VAC14: variants seen among roughly 807,000 people sequenced by gnomAD.
VAC14 encodes the protein protein VAC14 homolog.
In VAC14, 47 loss-of-function variants were observed where a neutral mutation model predicts 85.3. The observed-to-expected ratio is 0.55, with a 90% CI of 0.44 to 0.70. The LOEUF (loss-of-function observed/expected upper bound fraction) is 0.70, where lower values mean the gene tolerates loss of function less well. Among genes scored for constraint, VAC14 ranks in the 30% least tolerant of loss-of-function variants. The pLI, the probability that VAC14 is intolerant of heterozygous loss-of-function variation, is 0.00. For synonymous variants in VAC14, 447 were observed against 430.5 expected (o/e 1.04, Z -0.47); for missense variants, 861 against 1,004.3 (o/e 0.86, Z 1.93).
intron 13 of VAC14, among the ~76,000 whole-genome samples, chr16:70,732,473 G>C (rs2054620605): frequency 6.6e-6 from 1 of 152,170 alleles, no homozygotes. Context: ...AGCACCAAGG[G>C]GACAAGGGAA....
chr16:70,784,933 G>C, intron 3 of VAC14, 95 bp from the exon 4 acceptor site: 1 of 1,078,796 alleles, frequency 9.3e-7, no homozygotes, highest in Non-Finnish European at 1.4e-6. Flanking sequence ...CCGAGGCCTT[G>C]GTGCAGCCCA....
intron 1 of VAC14, among the ~76,000 whole-genome samples, chr16:70,795,858 A>C (rs1247429683): frequency 6.6e-6 from 1 of 152,180 alleles, no homozygotes; most frequent in Non-Finnish European, 1.5e-5. Context: ...TAGAGACTTG[A>C]CCATGAGTGG....
intron 13 of VAC14, among the ~76,000 whole-genome samples, chr16:70,741,792 A>G (rs536234489): frequency 6.6e-6 from 1 of 152,340 alleles, no homozygotes; most frequent in South Asian, 2.1e-4. Context: ...AGTTGGGGCA[A>G]GAGTCTCTAC....
intron 14 of VAC14, among the ~76,000 whole-genome samples, chr16:70,729,124 C>T (rs188797469): frequency 8.4e-4 from 128 of 152,330 alleles, no homozygotes; most frequent in Non-Finnish European, 1.6e-3. Context: ...ACATTTCAGA[C>T]GGTCCCAACT....
chr16:70,761,482 C>T (rs1042544429), intron 12 of VAC14, among the ~76,000 whole-genome samples: 1 of 152,254 alleles, frequency 6.6e-6, no homozygotes, highest in African/African-American at 2.4e-5. Flanking sequence ...GGATGGGATG[C>T]TGCCGTGCAA....
chr16:70,718,779 G>C lies in VAC14; in HGVS notation c.1661+12716C>G, dbSNP rs1404769238. 3.9e-5 allele frequency among the ~76,000 whole-genome samples: 6 copies of C among 152,116 alleles called. No homozygotes were observed. The South Asian group carries it at 1.2e-3, about 32-fold the overall frequency. ...GCCCCACCTCCCTGCCACTGGCCCT[G>C]TCTGGGCCAATCAGAGCTTCCCTCT... On this transcript the variant is annotated intron_variant, in intron 14 of 18. Coordinates refer to ENST00000261776, the MANE Select transcript of VAC14 (RefSeq NM_018052.5).
In VAC14 at chr16:70,785,866, A is replaced by C; in HGVS notation, c.259T>G (p.Ser87Ala). The change falls in exon 3 of 19, where the codon TCA becomes GCA. Residue 87 changes from serine to alanine, a missense_variant. Ser to Ala is a moderately conservative substitution (Grantham distance 99). Coordinates refer to ENST00000261776, the MANE Select transcript of VAC14 (RefSeq NM_018052.5). The part of the protein sequence containing the change: ...AACSIALGKD[S>A]GLYLKELIEP... Reference sequence around the variant, plus strand: ...ATCAGCTCCTTCAGGTAGAGCCCTGAGTCCTGCAAGGAGGCAGGAGGAGAA... The same window carrying C: ...ATCAGCTCCTTCAGGTAGAGCCCTGCGTCCTGCAAGGAGGCAGGAGGAGAA... 1 of 1,603,740 alleles carries C rather than the reference A, an allele frequency of 6.2e-7. No homozygotes were observed.
chr16:70,727,286 C>G (rs2054456491), intron 14 of VAC14, among the ~76,000 whole-genome samples: 1 of 152,226 alleles, frequency 6.6e-6, no homozygotes, highest in Non-Finnish European at 1.5e-5. Context: ...AGGCCTGTGG[C>G]TTCATGCCAG....
At chr16:70,711,840 T>C (rs2054040862) in intron 14 of VAC14, among the ~76,000 whole-genome samples, 1 of 152,216 alleles carries the variant, frequency 6.6e-6, no homozygotes, top group Admixed American at 6.5e-5. Flanking sequence ...CTGAGATAAG[T>C]GTCAGGAAAC....
At chr16:70,743,321 C>A (rs1375094794) in intron 13 of VAC14, among the ~76,000 whole-genome samples, 2 of 152,260 alleles carry the variant, frequency 1.3e-5, no homozygotes, top group Non-Finnish European at 2.9e-5. Flanking sequence ...ATGGACCAAT[C>A]AGCAGGACGT....
intron 14 of VAC14, among the ~76,000 whole-genome samples, chr16:70,728,087 G>A (rs2054483242): frequency 6.6e-6 from 1 of 152,224 alleles, no homozygotes. Context: ...TAGTGGGGAT[G>A]CCAATGGCTA....
chr16:70,767,829 T>C (rs1052441641), intron 10 of VAC14, among the ~76,000 whole-genome samples: 1 of 152,220 alleles, frequency 6.6e-6, no homozygotes, highest in Non-Finnish European at 1.5e-5. Flanking sequence ...TGTAAAGTGC[T>C]TTCTGCGGCC....
chr16:70,705,152 A>G (rs926971651), intron 14 of VAC14, among the ~76,000 whole-genome samples: 1 of 152,096 alleles, frequency 6.6e-6, no homozygotes, highest in Non-Finnish European at 1.5e-5. Flanking sequence ...AGTGACTGTT[A>G]GGACGCTGAG....
At chr16:70,747,594 C>T (rs1424647785) in intron 12 of VAC14, 3 of 152,206 alleles carry the variant, frequency 2.0e-5, no homozygotes, top group Non-Finnish European at 4.4e-5. Flanking sequence ...GGGGTCTCAC[C>T]CACTCCCTGG....
At chr16:70,701,344 A>G (rs1477531233) in intron 14 of VAC14, among the ~76,000 whole-genome samples, 1 of 152,086 alleles carries the variant, frequency 6.6e-6, no homozygotes, top group Non-Finnish European at 1.5e-5. Context: ...TTGCTGGGCC[A>G]CAACCAGCCC....
chr16:70,702,455 C>G (rs1029284888), intron 14 of VAC14, among the ~76,000 whole-genome samples: 2 of 152,096 alleles, frequency 1.3e-5, no homozygotes, highest in African/African-American at 4.8e-5. Context: ...CCATGTCATG[C>G]TCCAGCCGCT....
At position 70,687,635 on chromosome 16, in the gene VAC14, A is replaced by C; in HGVS notation, c.*293T>G. ...GGGCAAGCTCTTTTTCCAAGAGGGT[A>C]TTAGAAAGAGGTTGATTCCAGAGGA... is the stretch of plus-strand genomic sequence containing the variant. On this transcript the variant is annotated 3_prime_UTR_variant, in exon 19 of 19. Transcript: ENST00000261776. 8 of 287,188 alleles carry C rather than the reference A, an allele frequency of 2.8e-5. No homozygotes were observed. The highest frequency in any genetic ancestry group is 6.0e-5 in the East Asian group (1 of 16,772). 17.8% of individuals were successfully genotyped at this position (287,188 alleles called of 1,614,324 possible). A position where few individuals can be genotyped will look rare whatever the true frequency, so the allele number is the denominator to read the frequency against.
rs756033177 is a variant in VAC14, at chr16:70,785,765, G to T, written c.360C>A (p.Ile120=). Residue 120 remains isoleucine, a synonymous_variant, in exon 3 of 19, where the codon ATC becomes ATA. Coordinates refer to ENST00000261776, the MANE Select transcript of VAC14 (RefSeq NM_018052.5). The part of the protein sequence containing the change: ...RYYACEALYN[I]VKVARGAVLP... Reference sequence around the variant, plus strand: ...GCACAGCGCCCCGGGCCACCTTGACGATGTTGTAGAGGGCCTCGCAGGCAT... The same window carrying T: ...GCACAGCGCCCCGGGCCACCTTGACTATGTTGTAGAGGGCCTCGCAGGCAT... The T allele has an allele frequency of 3.2e-6, 5 of 1,583,016 alleles. No homozygotes were observed. The highest frequency in any genetic ancestry group is 4.3e-6 in the Non-Finnish European group (5 of 1,162,992).
intron 13 of VAC14, among the ~76,000 whole-genome samples, chr16:70,742,651 G>T (rs1257517590): frequency 6.6e-6 from 1 of 152,220 alleles, no homozygotes; most frequent in Non-Finnish European, 1.5e-5. Context: ...CATGTCCTGG[G>T]GCACAGGCAG....
Sources: gnomAD v4.1 joint callset for allele counts (sites outside exome capture counted in the v4.1 genomes callset) on GRCh38, gnomAD v4.1.1 for gene constraint, MANE v1.5 for transcripts, NCBI Gene and HGNC (gene_info 2026-07-23, HGNC 2026-07-21) for gene names.